The following NFE2 variants were observed in gnomAD, a reference collection of about 807,000 sequenced individuals.
NFE2 encodes the protein transcription factor NF-E2 45 kDa subunit.
Under a neutral mutation model 25.8 loss-of-function variants are expected in NFE2, and 13 were observed. That is an observed-to-expected ratio of 0.50 (90% CI 0.33 to 0.80). NFE2 has a LOEUF of 0.80. Ranked by LOEUF, NFE2 falls within the 30% of genes least tolerant of loss-of-function variation. NFE2 has a pLI of 0.02. For synonymous variants in NFE2, 204 were observed against 200.2 expected (o/e 1.02, Z -0.16); for missense variants, 382 against 478.9 (o/e 0.80, Z 1.89).
rs768175460 is a variant in NFE2 at position 54,293,092 on chromosome 12, G to A, written c.404C>T (p.Pro135Leu). The A allele has an allele frequency of 5.3e-6, 8 of 1,523,012 alleles. No homozygotes were observed. Among genetic ancestry groups the A allele is most frequent in the Admixed American group, 2.2e-5 (1 of 44,942 alleles). 94.3% of individuals were successfully genotyped at this position (1,523,012 alleles called of 1,614,324 possible). A position where few individuals can be genotyped will look rare whatever the true frequency, so the allele number is the denominator to read the frequency against. ...TTCTGGGTCTTCTTGGGGCTTAGGT[G>A]GCCCTGCTGGCAGCCCAATGTCCAG... ...ALLDIGLPAG[P>L]PKPQEDPESD... The change falls in exon 3 of 3, where the codon CCA (proline) becomes CTA (leucine). Residue 135 changes from proline (P) to leucine (L), a missense_variant. By Grantham distance (98) the Pro-to-Leu change is moderately conservative (BLOSUM62 -3). Transcript: ENST00000435572.
chr12:54,296,626 A>T (rs994034586), intron 1 of NFE2, among the ~76,000 whole-genome samples: 3 of 152,024 alleles, frequency 2.0e-5, no homozygotes, highest in African/African-American at 7.3e-5. Context: ...GTGGAGTGTC[A>T]GTCTCTCTTT....
chr12:54,294,986 A>C, intron 2 of NFE2, 149 bp downstream of exon 2: 1 of 649,734 alleles, frequency 1.5e-6, no homozygotes, highest in Non-Finnish European at 2.7e-6. Context: ...AGTGTCTTCC[A>C]TCCGGATCTT....
At position 54,292,614 on chromosome 12, in the gene NFE2, C is replaced by T; in HGVS notation, c.882G>A (p.Leu294=). 6.2e-7 allele frequency: 1 copy of T among 1,614,214 alleles called. No individual in the cohort carries two copies. Among genetic ancestry groups the T allele is most frequent in the Non-Finnish European group, 8.5e-7 (1 of 1,180,048 alleles). ...TGGTCAGCCGCTCCAGCTCCCGCTC[C>T]AGCTGCACAATGGTTTCCAGCTTCC... is the stretch of plus-strand genomic sequence containing the variant. The part of the protein sequence containing the change: ...RKRKLETIVQ[L]ERELERLTNE... Residue 294 remains leucine (L), a synonymous_variant, in exon 3 of 3, where the codon CTG becomes CTA. Transcript: ENST00000435572.
chr12:54,298,923 C>T (rs1156859054), intron 1 of NFE2, among the ~76,000 whole-genome samples: 3 of 151,902 alleles, frequency 2.0e-5, no homozygotes, highest in African/African-American at 4.8e-5. Flanking sequence ...TGGTGGCGCA[C>T]ACCTGTAATC....
In NFE2 at chr12:54,300,892, G is replaced by C. The variant is rs905533913; in HGVS notation, c.-148C>G. On this transcript the variant is annotated 5_prime_UTR_variant, in exon 1 of 3. Transcript: ENST00000435572. ...AGCCTGAGCTGACACTGCTGGACGA[G>C]GATCCCGGCTACCTTTGAGAATCTG... 2.0e-5 allele frequency: 3 copies of C among 152,764 alleles called. No individual in the cohort carries two copies. Among genetic ancestry groups the C allele is most frequent in the Non-Finnish European group, 4.4e-5 (3 of 68,512 alleles). The allele number at this position is 152,764 out of a possible 1,614,324, so 9.5% of individuals were successfully genotyped here.
At chr12:54,295,021 G>T in intron 2 of NFE2, 114 bp downstream of exon 2, 1 of 781,232 alleles carries the variant, frequency 1.3e-6, no homozygotes. Context: ...AGTGCCTGGA[G>T]CATTACCAGC....
At chr12:54,299,098 G>T (rs1944399897) in intron 1 of NFE2, among the ~76,000 whole-genome samples, 1 of 151,978 alleles carries the variant, frequency 6.6e-6, no homozygotes, top group Admixed American at 6.6e-5. Flanking sequence ...GAGTTTGGGG[G>T]AGAGAGAGTT....
rs772888521 is a variant in NFE2, at chr12:54,293,244, C to G, written c.252G>C (p.Glu84Asp). 1 of 1,611,178 alleles carries G rather than the reference C, an allele frequency of 6.2e-7. No individual in the cohort carries two copies. The highest frequency in any genetic ancestry group is 1.7e-5 in the Admixed American group (1 of 59,602). ...SGFPLPPPPY[E>D]LPASTSHVPD... ...GGACATGGGATGTGGATGCTGGGAG[C>G]TCATAAGGTGGTGGAGGAAGTGGGA... The change falls in exon 3 of 3, where the codon GAG becomes GAC. Residue 84 changes from glutamate to aspartate, a missense_variant. Physicochemically the swap from Glu to Asp is conservative, Grantham distance 45. Coordinates refer to ENST00000435572, the MANE Select transcript of NFE2 (RefSeq NM_001136023.3).
chr12:54,292,242 A>C lies in NFE2; in HGVS notation c.*132T>G. On this transcript the variant is annotated 3_prime_UTR_variant, in exon 3 of 3. Coordinates refer to ENST00000435572, the MANE Select transcript of NFE2 (RefSeq NM_001136023.3). ...CTTTGAACACACCTTGGAACTTCCA[A>C]ACACTTGTTGCCATTGTCATCCTCT... 2.1e-6 allele frequency: 2 copies of C among 956,728 alleles called. No homozygotes were observed. The highest frequency in any genetic ancestry group is 3.1e-6 in the Non-Finnish European group (2 of 653,130). 59.3% of individuals were successfully genotyped at this position (956,728 alleles called of 1,614,324 possible). A position where few individuals can be genotyped will look rare whatever the true frequency, so the allele number is the denominator to read the frequency against.
Position 54,298,384 on chromosome 12 carries a change from G to A in NFE2, c.-57+2417C>T, listed in dbSNP as rs1467375664. On this transcript the variant is annotated intron_variant, in intron 1 of 2. Transcript: ENST00000435572. ...TAGCCGGGCATGGTGGCGCATGCCT[G>A]TAATCCCAGCTACTTGGGGGGATGA... is the stretch of plus-strand genomic sequence containing the variant. Among the ~76,000 whole-genome samples, 3 of 151,848 alleles carry A rather than the reference G, an allele frequency of 2.0e-5. No homozygotes were observed. In the East Asian group the frequency reaches 5.8e-4, roughly 29 times the overall value.
chr12:54,299,962 A>T (rs1944408416), intron 1 of NFE2, among the ~76,000 whole-genome samples: 1 of 152,174 alleles, frequency 6.6e-6, no homozygotes, highest in Non-Finnish European at 1.5e-5. Flanking sequence ...GGGGAAAAAA[A>T]GGAGGGAGAG....
chr12:54,294,878 G>C (rs1452204392), intron 2 of NFE2, among the ~76,000 whole-genome samples: 2 of 152,068 alleles, frequency 1.3e-5, no homozygotes, highest in African/African-American at 4.8e-5. Context: ...GGGGTAGAGA[G>C]AGATGTGAGT....
chr12:54,294,316 C>T (rs1369076142), intron 2 of NFE2, among the ~76,000 whole-genome samples: 1 of 152,120 alleles, frequency 6.6e-6, no homozygotes, highest in Non-Finnish European at 1.5e-5. Context: ...AAGATGACCC[C>T]TCAGAACCCT....
Position 54,292,930 on chromosome 12 carries a change from A to G in NFE2, c.566T>C (p.Leu189Ser). 1 of 1,600,398 alleles carries G rather than the reference A, an allele frequency of 6.2e-7. No homozygotes were observed. Among genetic ancestry groups the G allele is most frequent in the Non-Finnish European group, 8.5e-7 (1 of 1,172,222 alleles). ...TGGCAAGGTATAGTTGGAGTGGGCC[A>G]AGGAGTTGGGCATGAGTGAGTAGGG... The part of the protein sequence containing the change: ...EYPYSLMPNS[L>S]AHSNYTLPAA... Residue 189 changes from leucine (L) to serine (S), a missense_variant, in exon 3 of 3, where the codon TTG (leucine) becomes TCG (serine). Transcript: ENST00000435572.
intron 1 of NFE2, among the ~76,000 whole-genome samples, chr12:54,298,942 T>C (rs914952234): frequency 1.3e-5 from 2 of 151,730 alleles, no homozygotes; most frequent in African/African-American, 4.8e-5. Context: ...TCCCAGCTAC[T>C]CAGGCGGTTG....
Position 54,292,403 on chromosome 12 carries a change from G to A in NFE2, c.1093C>T (p.Arg365Trp), listed in dbSNP as rs150756699. Residue 365 changes from arginine to tryptophan, a missense_variant, in exon 3 of 3, where the codon CGG (arginine) becomes TGG (tryptophan). By Grantham distance (101) the Arg-to-Trp change is moderately radical. Transcript: ENST00000435572. ...TCTGTGGCCTCCATCTTGGTCCCCCGGGGCACAAGGAAGATGGTCCCATCG... is the reference window on the plus strand; with the variant it reads ...TCTGTGGCCTCCATCTTGGTCCCCCAGGGCACAAGGAAGATGGTCCCATCG... ...AADGTIFLVP[R>W]GTKMEATD The A allele has an allele frequency of 6.1e-4, 990 of 1,613,950 alleles. 7 individuals are homozygous for A. The highest frequency in any genetic ancestry group is 2.3e-3 in the South Asian group (211 of 91,082).
chr12:54,293,792 T>G (rs908894128), intron 2 of NFE2, among the ~76,000 whole-genome samples: 4 of 150,914 alleles, frequency 2.7e-5, no homozygotes, highest in African/African-American at 9.8e-5. Context: ...GAGGTTGAAG[T>G]GAGCCAAGAT....
intron 1 of NFE2, among the ~76,000 whole-genome samples, chr12:54,296,407 C>T (rs890884627): frequency 5.0e-4 from 43 of 85,684 alleles, no homozygotes; most frequent in African/African-American, 3.3e-3. Context: ...TAGACTATGT[C>T]TCAAAAAAAA....
chr12:54,296,840 G>A lies in NFE2; in HGVS notation c.-56-1536C>T, dbSNP rs144780841. 1.9e-3 allele frequency among the ~76,000 whole-genome samples: 292 copies of A among 152,104 alleles called. 2 individuals are homozygous for A. The highest frequency in any genetic ancestry group is 6.8e-3 in the African/African-American group (282 of 41,494). On this transcript the variant is annotated intron_variant, in intron 1 of 2. Coordinates refer to ENST00000435572, the MANE Select transcript of NFE2 (RefSeq NM_001136023.3). ...TGACCTTGGAGGTCCCTTTCTGCTTGGATAGCTTAGAATTCTCAGCAAACC... is the reference window on the plus strand; with the variant it reads ...TGACCTTGGAGGTCCCTTTCTGCTTAGATAGCTTAGAATTCTCAGCAAACC...
Sources: allele counts gnomAD v4.1 joint callset (sites outside exome capture counted in the v4.1 genomes callset), GRCh38; gene constraint gnomAD v4.1.1; transcripts MANE v1.5; gene names NCBI Gene and HGNC (gene_info 2026-07-23, HGNC 2026-07-21).